CDH12: variants seen among roughly 807,000 people sequenced by gnomAD.
CDH12 encodes cadherin 12.
Under a neutral mutation model 74.1 loss-of-function variants are expected in CDH12, and 41 were observed. The ratio of observed to expected loss-of-function variants is 0.55; its 90% CI spans 0.43 to 0.72. The LOEUF (loss-of-function observed/expected upper bound fraction) is 0.72. Among genes scored for constraint, CDH12 ranks in the 30% least tolerant of loss-of-function variants. The probability of loss-of-function intolerance (pLI) is 0.00; values close to 1 mark genes in which losing one functional copy is unlikely to be tolerated. For synonymous variants in CDH12, 399 were observed against 355.0 expected (o/e 1.12, Z -1.39); for missense variants, 945 against 977.2 (o/e 0.97, Z 0.44).
chr5:22,713,485 G>A (rs1743401295), intron 1 of CDH12, among the ~76,000 whole-genome samples: 1 of 151,942 alleles, frequency 6.6e-6, no homozygotes, highest in Non-Finnish European at 1.5e-5. Context: ...GTTTCCTCAT[G>A]TGTAAAATAA....
chr5:22,258,910 A>G (rs1753413668), intron 3 of CDH12, among the ~76,000 whole-genome samples: 1 of 152,200 alleles, frequency 6.6e-6, no homozygotes, highest in Non-Finnish European at 1.5e-5. Context: ...TGCATTTCTT[A>G]GAACGTCTCC....
At chr5:22,783,573 T>G (rs1561027964) in intron 1 of CDH12, among the ~76,000 whole-genome samples, 1 of 152,170 alleles carries the variant, frequency 6.6e-6, no homozygotes, top group Non-Finnish European at 1.5e-5. Context: ...AGTCAGATGA[T>G]TTCATTGCAG....
chr5:21,908,221 T>C (rs1753724335), intron 6 of CDH12, among the ~76,000 whole-genome samples: 1 of 152,090 alleles, frequency 6.6e-6, no homozygotes, highest in Non-Finnish European at 1.5e-5. Context: ...GCCAGAGCAA[T>C]TGGGAATTTG....
chr5:21,866,235 C>T (rs773083058), intron 6 of CDH12, among the ~76,000 whole-genome samples: 2 of 152,056 alleles, frequency 1.3e-5, no homozygotes, highest in Non-Finnish European at 2.9e-5. Context: ...CAAATTGGTA[C>T]CAGTAGAGTA....
chr5:22,744,172 G>T (rs932954938), intron 1 of CDH12, among the ~76,000 whole-genome samples: 4 of 152,090 alleles, frequency 2.6e-5, no homozygotes, highest in Non-Finnish European at 5.9e-5. Context: ...GCTCACGCCT[G>T]TAATCCCAGC....
intron 5 of CDH12, among the ~76,000 whole-genome samples, chr5:22,055,561 T>A (rs1740679582): frequency 6.6e-6 from 1 of 152,156 alleles, no homozygotes; most frequent in Non-Finnish European, 1.5e-5. Flanking sequence ...AGAACAAATT[T>A]TTTTTCTGTA....
At chr5:21,783,244 G>A (rs1448608898) in intron 11 of CDH12, 114 bp downstream of exon 11, 12 of 885,512 alleles carry the variant, frequency 1.4e-5, no homozygotes, top group East Asian at 5.1e-5. Flanking sequence ...GTTTCCCCGC[G>A]AGACCACTCA....
chr5:21,988,879 A>T (rs192066359), intron 5 of CDH12, among the ~76,000 whole-genome samples: 5,499 of 152,188 alleles, frequency 0.036, 116 homozygotes, highest in Non-Finnish European at 0.041. Flanking sequence ...TGCTTGGGTT[A>T]ATATGGGGTG....
chr5:22,535,825 G>A (rs909946573), intron 1 of CDH12, among the ~76,000 whole-genome samples: 6 of 152,084 alleles, frequency 3.9e-5, no homozygotes, highest in African/African-American at 1.2e-4. Flanking sequence ...AAATACAGTC[G>A]GACCTCTGTA....
intron 2 of CDH12, among the ~76,000 whole-genome samples, chr5:22,426,152 A>G (rs1040653140): frequency 4.0e-5 from 6 of 148,956 alleles, no homozygotes; most frequent in Non-Finnish European, 8.9e-5. Flanking sequence ...GCACCACTGC[A>G]CTCCAGCCTG....
intron 10 of CDH12, among the ~76,000 whole-genome samples, chr5:21,791,473 A>G (rs1289616686): frequency 6.6e-6 from 1 of 151,996 alleles, no homozygotes; most frequent in African/African-American, 2.4e-5. Flanking sequence ...TGGAATTGCA[A>G]CTAATCACAA....
At chr5:21,942,474 A>G (rs1017102881) in intron 6 of CDH12, among the ~76,000 whole-genome samples, 5 of 150,666 alleles carry the variant, frequency 3.3e-5, no homozygotes, top group African/African-American at 1.2e-4. Context: ...TATATTTTTA[A>G]TTATATAACT....
intron 8 of CDH12, among the ~76,000 whole-genome samples, chr5:21,833,766 T>A (rs938695168): frequency 1.3e-5 from 2 of 151,654 alleles, no homozygotes; most frequent in Admixed American, 6.6e-5. Flanking sequence ...AAAATTTAGA[T>A]TTCTTAGGTC....
chr5:22,742,511 G>GA (rs1483606948), intron 1 of CDH12, among the ~76,000 whole-genome samples: 1 of 152,010 alleles, frequency 6.6e-6, no homozygotes, highest in African/African-American at 2.4e-5. Context: ...GACGAAAAAT[G>GA]GGTTACTCTG....
chr5:22,833,600 A>C (rs2126505762), intron 1 of CDH12, among the ~76,000 whole-genome samples: 1 of 152,352 alleles, frequency 6.6e-6, no homozygotes, highest in African/African-American at 2.4e-5. Flanking sequence ...GAGTTATTTT[A>C]GAAAACACAG....
At chr5:22,197,379 C>T (rs989964309) in intron 4 of CDH12, among the ~76,000 whole-genome samples, 32 of 152,032 alleles carry the variant, frequency 2.1e-4, no homozygotes, top group Admixed American at 9.8e-4. Flanking sequence ...ACCCGGGAGG[C>T]GAGCTTGCAG....
intron 1 of CDH12, among the ~76,000 whole-genome samples, chr5:22,532,868 G>C (rs957280270): frequency 6.6e-6 from 1 of 151,696 alleles, no homozygotes; most frequent in Non-Finnish European, 1.5e-5. Context: ...TAAATAATAA[G>C]TCTATCTTCT....
intron 4 of CDH12, among the ~76,000 whole-genome samples, chr5:22,086,141 C>A (rs1245229820): frequency 6.6e-6 from 1 of 152,116 alleles, no homozygotes; most frequent in Non-Finnish European, 1.5e-5. Context: ...TGCTGAGAAG[C>A]AGACATAGTA....
chr5:22,666,912 A>G (rs534129972), intron 1 of CDH12, among the ~76,000 whole-genome samples: 4 of 152,320 alleles, frequency 2.6e-5, no homozygotes, highest in African/African-American at 9.6e-5. Context: ...AATATAACCT[A>G]TAAGACCTTG....
Sources: gnomAD v4.1 joint callset for allele counts (sites outside exome capture counted in the v4.1 genomes callset) on GRCh38, gnomAD v4.1.1 for gene constraint, MANE v1.5 for transcripts, NCBI Gene and HGNC (gene_info 2026-07-23, HGNC 2026-07-21) for gene names.